Variants in OR1J2 observed in about 807,000 individuals in gnomAD.
OR1J2 encodes the protein olfactory receptor 1J2.
For missense variants in OR1J2, 304 were observed against 246.1 expected (o/e 1.24, Z -1.57); for synonymous variants, 142 against 99.7 (o/e 1.42, Z -2.52).
chr9:122,458,364 G>A, the OR1J2 span, among the ~76,000 whole-genome samples: 1 of 152,110 alleles, frequency 6.6e-6, no homozygotes, highest in Non-Finnish European at 1.5e-5. Context: ...CTAGTTTTCT[G>A]TATATTTATT....
chr9:122,482,779 G>A, the OR1J2 span, among the ~76,000 whole-genome samples: 1 of 152,270 alleles, frequency 6.6e-6, no homozygotes, highest in East Asian at 1.9e-4. Flanking sequence ...ACTACTGCAT[G>A]ATCTCACTCA....
At chr9:122,543,199 T>C in the OR1J2 span, among the ~76,000 whole-genome samples, 1 of 152,146 alleles carries the variant, frequency 6.6e-6, no homozygotes. Context: ...ATTCCGTTGC[T>C]CATATTTTTG....
upstream of OR1J2, among the ~76,000 whole-genome samples, chr9:122,506,017 C>T (rs561379165): frequency 3.4e-4 from 51 of 152,196 alleles, no homozygotes; most frequent in African/African-American, 1.1e-3. Context: ...TCATGTTCAC[C>T]GGAGAGAAGA....
the OR1J2 span, chr9:122,474,993 T>C: frequency 6.6e-6 from 1 of 152,232 alleles, no homozygotes; most frequent in Non-Finnish European, 1.5e-5. Flanking sequence ...CTTGTCATTT[T>C]GTGCACCCTG....
chr9:122,527,461 C>G, the OR1J2 span, among the ~76,000 whole-genome samples: 2 of 152,126 alleles, frequency 1.3e-5, no homozygotes, highest in South Asian at 4.1e-4. Flanking sequence ...GTCTCATTTT[C>G]CCCCTTTCTC....
the OR1J2 span, among the ~76,000 whole-genome samples, chr9:122,517,371 C>T: frequency 4.6e-5 from 7 of 152,242 alleles, no homozygotes; most frequent in African/African-American, 7.2e-5. Flanking sequence ...TGGGTCCATT[C>T]GGAACTCTGT....
chr9:122,479,667 C>T, the OR1J2 span, among the ~76,000 whole-genome samples: 180 of 152,222 alleles, frequency 1.2e-3, no homozygotes, highest in Admixed American at 3.7e-3. Flanking sequence ...ACCAGAAGGA[C>T]GAGACAATTT....
chr9:122,557,849 C>A, the OR1J2 span, among the ~76,000 whole-genome samples: 2 of 151,940 alleles, frequency 1.3e-5, no homozygotes, highest in African/African-American at 4.8e-5. Flanking sequence ...CTGGTACTTT[C>A]TGTTTGGGAA....
chr9:122,502,234 G>T, the OR1J2 span, among the ~76,000 whole-genome samples: 1 of 152,130 alleles, frequency 6.6e-6, no homozygotes, highest in East Asian at 1.9e-4. Context: ...TGACATTCAC[G>T]TCCTTCATTG....
upstream of OR1J2, among the ~76,000 whole-genome samples, chr9:122,506,711 A>G (rs1334636366): frequency 6.6e-6 from 1 of 152,116 alleles, no homozygotes; most frequent in Non-Finnish European, 1.5e-5. Context: ...TGGGGAGAAG[A>G]GATAGAATGT....
the OR1J2 span, among the ~76,000 whole-genome samples, chr9:122,503,359 G>A: frequency 6.6e-6 from 1 of 152,102 alleles, no homozygotes; most frequent in East Asian, 1.9e-4. Context: ...ACATATTGAG[G>A]GCTCAGCATT....
the OR1J2 span, among the ~76,000 whole-genome samples, chr9:122,565,815 A>G: frequency 6.6e-6 from 1 of 152,198 alleles, no homozygotes; most frequent in Non-Finnish European, 1.5e-5. Context: ...CAACTCTAAG[A>G]ACTGTTTGCC....
chr9:122,453,759 A>T, the OR1J2 span, among the ~76,000 whole-genome samples: 1 of 152,214 alleles, frequency 6.6e-6, no homozygotes, highest in Non-Finnish European at 1.5e-5. Context: ...ACATTACCAT[A>T]TGCTGTAGTT....
chr9:122,510,711 G>A (rs1320947973), upstream of OR1J2: 16 of 794,588 alleles, frequency 2.0e-5, no homozygotes, highest in Middle Eastern at 2.4e-4. Flanking sequence ...ATGTTAAAAC[G>A]TACATCTTTT....
At chr9:122,463,740 G>GT in the OR1J2 span, among the ~76,000 whole-genome samples, 1 of 152,118 alleles carries the variant, frequency 6.6e-6, no homozygotes, top group East Asian at 1.9e-4. Flanking sequence ...CTCTGGGCTG[G>GT]TATAGGGGAG....
chr9:122,471,423 A>G, the OR1J2 span: 1 of 152,344 alleles, frequency 6.6e-6, no homozygotes, highest in Non-Finnish European at 1.5e-5. Context: ...TGTAAGTCCA[A>G]TTAAGCCTCT....
At chr9:122,458,014 T>G in the OR1J2 span, among the ~76,000 whole-genome samples, 8 of 152,174 alleles carry the variant, frequency 5.3e-5, no homozygotes, top group Admixed American at 5.2e-4. Context: ...GTGTTTAATA[T>G]TTTTGTTTTT....
chr9:122,448,759 T>C, the OR1J2 span, among the ~76,000 whole-genome samples: 19 of 152,124 alleles, frequency 1.2e-4, no homozygotes, highest in Non-Finnish European at 1.9e-4. Flanking sequence ...AAACCTTGAT[T>C]CCATACAACA....
At chr9:122,558,730 A>G in the OR1J2 span, among the ~76,000 whole-genome samples, 3 of 151,848 alleles carry the variant, frequency 2.0e-5, no homozygotes, top group East Asian at 5.8e-4. Flanking sequence ...TTTCATACAA[A>G]TTTGTCCTTT....
Sources: gnomAD v4.1 joint callset for allele counts (sites outside exome capture counted in the v4.1 genomes callset) on GRCh38, gnomAD v4.1.1 for gene constraint, MANE v1.5 for transcripts, NCBI Gene and HGNC (gene_info 2026-07-23, HGNC 2026-07-21) for gene names.